PRKAR1A: variants seen among roughly 807,000 people sequenced by gnomAD.
PRKAR1A encodes the protein protein kinase cAMP-dependent type I regulatory subunit alpha, also known as cAMP-dependent protein kinase type I-alpha regulatory subunit.
In PRKAR1A, 3 loss-of-function variants were observed where a neutral mutation model predicts 52.0. The ratio of observed to expected loss-of-function variants is 0.06; its 90% CI spans 0.03 to 0.15. The LOEUF is 0.15. PRKAR1A is among the 10% of genes least tolerant of loss of function. The pLI is 1.00. For synonymous variants in PRKAR1A, 188 were observed against 168.4 expected, an observed-to-expected ratio of 1.12 and a Z score of -0.90; for missense variants, 240 against 477.4, an observed-to-expected ratio of 0.50 and a Z score of 4.63.
the PRKAR1A span, among the ~76,000 whole-genome samples, chr17:68,445,911 C>T: frequency 6.6e-6 from 1 of 152,156 alleles, no homozygotes; most frequent in Non-Finnish European, 1.5e-5. Flanking sequence ...CCTGGGCTCT[C>T]CCCGGAGATT....
intron 2 of PRKAR1A, among the ~76,000 whole-genome samples, chr17:68,522,475 G>C (rs2085642825): frequency 6.6e-6 from 1 of 152,158 alleles, no homozygotes; most frequent in South Asian, 2.1e-4. Flanking sequence ...ATGAATATCT[G>C]ATTTGTTACT....
chr17:68,420,674 G>C, the PRKAR1A span: 2 of 606,180 alleles, frequency 3.3e-6, no homozygotes, highest in Admixed American at 3.2e-5. Flanking sequence ...CAGGGAGTGT[G>C]CCTTAATGGG....
At chr17:68,430,257 C>G in the PRKAR1A span, 1 of 1,261,796 alleles carries the variant, frequency 7.9e-7, no homozygotes, top group Non-Finnish European at 1.1e-6. Flanking sequence ...ACACTCCCCG[C>G]AGCAGGGAGA....
the PRKAR1A span, among the ~76,000 whole-genome samples, chr17:68,478,452 A>G: frequency 1.3e-5 from 2 of 152,134 alleles, no homozygotes; most frequent in African/African-American, 2.4e-5. Context: ...CTTCGTCTCA[A>G]AAACAACAAC....
chr17:68,420,371 GACA>G, the PRKAR1A span: 5 of 1,614,122 alleles, frequency 3.1e-6, no homozygotes, highest in Admixed American at 1.7e-5. Flanking sequence ...CATTGCCAAC[GACA>G]ACATCTCCAG....
chr17:68,488,061 A>AG, the PRKAR1A span, among the ~76,000 whole-genome samples: 1 of 152,076 alleles, frequency 6.6e-6, no homozygotes, highest in East Asian at 1.9e-4. Context: ...ACAGGGGAGT[A>AG]GGGGGGTGGC....
chr17:68,481,997 CA>C, the PRKAR1A span, among the ~76,000 whole-genome samples: 2 of 152,132 alleles, frequency 1.3e-5, no homozygotes, highest in Non-Finnish European at 2.9e-5. Flanking sequence ...GTTTATAATC[CA>C]GTGGGTGGAA....
At chr17:68,547,603 C>T (rs999951419) in intron 11 of PRKAR1A, among the ~76,000 whole-genome samples, 14 of 152,228 alleles carry the variant, frequency 9.2e-5, no homozygotes, top group African/African-American at 2.9e-4. Flanking sequence ...GGTGAACTAA[C>T]CTCTGCTATC....
At chr17:68,466,280 G>T in the PRKAR1A span, among the ~76,000 whole-genome samples, 93 of 152,268 alleles carry the variant, frequency 6.1e-4, 2 homozygotes, top group East Asian at 0.017. Context: ...TTCTGCTGAT[G>T]AAGGCCCTTG....
chr17:68,456,107 G>A, the PRKAR1A span, among the ~76,000 whole-genome samples: 1 of 152,204 alleles, frequency 6.6e-6, no homozygotes, highest in Non-Finnish European at 1.5e-5. Context: ...TATGTGTTAT[G>A]GGTATTGGGT....
the PRKAR1A span, among the ~76,000 whole-genome samples, chr17:68,474,413 T>C: frequency 1.3e-5 from 2 of 152,154 alleles, no homozygotes. Flanking sequence ...CAGGAGGTGT[T>C]TGAGGCTTGA....
At chr17:68,449,227 C>G in the PRKAR1A span, among the ~76,000 whole-genome samples, 1 of 152,188 alleles carries the variant, frequency 6.6e-6, no homozygotes, top group African/African-American at 2.4e-5. Flanking sequence ...TGTTTATTTA[C>G]TTATTTAACA....
rs766196906 is a variant in PRKAR1A, at chr17:68,530,474, TCTC to T, written c.*29_*31del. The T allele has an allele frequency of 1.9e-6, 3 of 1,613,966 alleles. No individual in the cohort carries two copies. The highest frequency in any genetic ancestry group is 2.5e-6 in the Non-Finnish European group (3 of 1,179,900). On this transcript the variant is annotated 3_prime_UTR_variant, in exon 11 of 11. Transcript: ENST00000589228. Reference sequence around the variant, plus strand: ...AAATCTGCCTCCTGTGCCTCCCTTTTCTCCTCTCCCCAATCCATGCTTCACTCA... The same window carrying T: ...AAATCTGCCTCCTGTGCCTCCCTTTTCTCTCCCCAATCCATGCTTCACTCA...
At chr17:68,472,822 T>C in the PRKAR1A span, among the ~76,000 whole-genome samples, 1 of 151,980 alleles carries the variant, frequency 6.6e-6, no homozygotes, top group Non-Finnish European at 1.5e-5. Flanking sequence ...GGCATGCCAC[T>C]GTAATTCCAG....
At chr17:68,442,817 C>G in the PRKAR1A span, among the ~76,000 whole-genome samples, 1 of 152,220 alleles carries the variant, frequency 6.6e-6, no homozygotes, top group Non-Finnish European at 1.5e-5. Context: ...TGCTGGCGCA[C>G]CTGTCTCAGA....
At chr17:68,443,440 G>T in the PRKAR1A span, among the ~76,000 whole-genome samples, 40 of 152,202 alleles carry the variant, frequency 2.6e-4, no homozygotes, top group Admixed American at 2.6e-3. Flanking sequence ...ATATCCTTTT[G>T]CCATAGCTGA....
At chr17:68,443,465 G>A in the PRKAR1A span, among the ~76,000 whole-genome samples, 4 of 152,172 alleles carry the variant, frequency 2.6e-5, no homozygotes, top group Admixed American at 6.5e-5. Context: ...TGAAAGCACT[G>A]AAATCAACAG....
the PRKAR1A span, among the ~76,000 whole-genome samples, chr17:68,468,653 C>T: frequency 9.9e-5 from 15 of 152,210 alleles, no homozygotes; most frequent in South Asian, 2.1e-4. Context: ...CAAATACGCA[C>T]GAGGAATAAA....
chr17:68,541,058 G>C, intron 11 of PRKAR1A: 1 of 1,528,378 alleles, frequency 6.5e-7, no homozygotes, highest in Non-Finnish European at 8.8e-7. Flanking sequence ...CTGCCTCCCT[G>C]ATCCTGCCCT....
Sources: allele counts gnomAD v4.1 joint callset (sites outside exome capture counted in the v4.1 genomes callset), GRCh38; gene constraint gnomAD v4.1.1; transcripts MANE v1.5; gene names NCBI Gene and HGNC (gene_info 2026-07-23, HGNC 2026-07-21).